The following COL15A1 variants were observed in gnomAD, a reference collection of about 807,000 sequenced individuals.
The protein encoded by COL15A1 is collagen alpha-1(XV) chain.
In COL15A1, 111 loss-of-function variants were observed where a neutral mutation model predicts 165.9. The observed-to-expected ratio is 0.67, with a 90% CI of 0.57 to 0.78. The LOEUF (loss-of-function observed/expected upper bound fraction) is 0.78, where lower values mean the gene tolerates loss of function less well. Among genes scored for constraint, COL15A1 ranks in the 30% least tolerant of loss-of-function variants. The pLI, the probability that COL15A1 is intolerant of heterozygous loss-of-function variation, is 0.00. For synonymous variants in COL15A1, 659 were observed against 674.8 expected, an observed-to-expected ratio of 0.98 and a Z score of 0.36; for missense variants, 1,745 against 1,789.7, an observed-to-expected ratio of 0.98 and a Z score of 0.45.
chr9:99,031,940 A>G (rs1042881111), intron 16 of COL15A1, among the ~76,000 whole-genome samples: 1 of 151,804 alleles, frequency 6.6e-6, no homozygotes, highest in Non-Finnish European at 1.5e-5. Flanking sequence ...AAATGTTTTT[A>G]TTTTCTTATT....
chr9:99,017,024 C>G (rs1838947044), intron 11 of COL15A1, among the ~76,000 whole-genome samples: 1 of 152,240 alleles, frequency 6.6e-6, no homozygotes, highest in African/African-American at 2.4e-5. Flanking sequence ...TTAGAGTTGT[C>G]TTGCATTCAT....
intron 24 of COL15A1, 48 bp downstream of exon 24, chr9:99,042,155 T>C (rs767491363): frequency 7.3e-6 from 10 of 1,368,752 alleles, no homozygotes; most frequent in Non-Finnish European, 9.2e-6. Flanking sequence ...TGGAATTTGC[T>C]AAACGTTTCA....
intron 31 of COL15A1, among the ~76,000 whole-genome samples, chr9:99,053,336 C>A (rs1386341079): frequency 5.9e-5 from 9 of 152,246 alleles, no homozygotes; most frequent in Non-Finnish European, 1.3e-4. Flanking sequence ...CAAGCCCAGC[C>A]TGTTTGCAAA....
At position 98,985,697 on chromosome 9, in the gene COL15A1, C is replaced by T. The variant is rs1838298268; in HGVS notation, c.233C>T (p.Pro78Leu). ...SFGPGANVGR[P>L]ARTLIPSTFF... ...GGGCCTGGTGCCAATGTTGGCCGCC[C>T]AGCCAGGACTCTCATCCCATCCACC... Residue 78 changes from proline to leucine, a missense_variant, in exon 3 of 42, where the codon CCA (proline) becomes CTA (leucine). By Grantham distance (98) the Pro-to-Leu change is moderately conservative (BLOSUM62 -3). Coordinates refer to ENST00000375001, the MANE Select transcript of COL15A1 (RefSeq NM_001855.5). 3.1e-6 allele frequency: 5 copies of T among 1,614,248 alleles called. No homozygotes were observed. The highest frequency in any genetic ancestry group is 4.2e-6 in the Non-Finnish European group (5 of 1,180,044).
rs570016118 is a variant in COL15A1 at position 98,985,957 on chromosome 9, G to A, written c.493G>A (p.Ala165Thr). The A allele has an allele frequency of 3.6e-5, 58 of 1,614,064 alleles. No homozygotes were observed. In the East Asian group the frequency reaches 6.2e-4, roughly 17 times the overall value. The change falls in exon 3 of 42, where the codon GCC becomes ACC. Residue 165 changes from alanine to threonine, a missense_variant. Ala to Thr is a moderately conservative substitution (Grantham distance 58). Coordinates refer to ENST00000375001, the MANE Select transcript of COL15A1 (RefSeq NM_001855.5). ...PVMTHRWNRF[A>T]MIVQGEEVTL... is the part of the protein sequence containing the mutation. ...GATGACCCACAGGTGGAACCGCTTC[G>A]CCATGATTGTCCAGGGTGAGGAAGT...
intron 7 of COL15A1, among the ~76,000 whole-genome samples, chr9:99,002,039 A>G (rs1159064564): frequency 6.6e-6 from 1 of 151,894 alleles, no homozygotes; most frequent in Non-Finnish European, 1.5e-5. Context: ...CTCCAGCAAA[A>G]CAACTGCAGG....
intron 28 of COL15A1, among the ~76,000 whole-genome samples, chr9:99,048,716 C>A (rs897259801): frequency 7.7e-6 from 1 of 130,314 alleles, no homozygotes; most frequent in African/African-American, 2.9e-5. Flanking sequence ...CAACAGTCCC[C>A]GGAGTGTGAT....
At chr9:99,049,211 G>A (rs1471149137) in intron 28 of COL15A1, among the ~76,000 whole-genome samples, 1 of 152,206 alleles carries the variant, frequency 6.6e-6, no homozygotes, top group Non-Finnish European at 1.5e-5. Context: ...CTTTGAAAAT[G>A]ACTGTGCTAT....
intron 14 of COL15A1, among the ~76,000 whole-genome samples, chr9:99,024,287 T>TGG (rs1839082525): frequency 2.2e-5 from 3 of 136,142 alleles, no homozygotes; most frequent in Non-Finnish European, 4.9e-5. Context: ...GTTTTTTTGT[T>TGG]TTTTTTTTTT....
At chr9:99,017,424 G>A (rs926870208) in intron 11 of COL15A1, among the ~76,000 whole-genome samples, 2 of 152,196 alleles carry the variant, frequency 1.3e-5, no homozygotes, top group Non-Finnish European at 2.9e-5. Flanking sequence ...CTGGGGGCCA[G>A]GAGTTCGAGG....
chr9:98,981,824 G>C (rs1838239661), intron 2 of COL15A1, among the ~76,000 whole-genome samples: 1 of 152,006 alleles, frequency 6.6e-6, no homozygotes, highest in African/African-American at 2.4e-5. Context: ...ATTTTTTTTA[G>C]AGACAGGTCT....
At position 99,032,837 on chromosome 9, in the gene COL15A1, C is replaced by T. The variant is rs557200103; in HGVS notation, c.2044-1712C>T. Among the ~76,000 whole-genome samples the T allele has an allele frequency of 3.7e-4, 56 of 152,260 alleles. 1 individual carries two copies. The highest frequency in any genetic ancestry group is 3.4e-3 in the Middle Eastern group (1 of 294). ...AGTCCTTCTGCAGAGTTCTGCATTT[C>T]GACAGTTTTCTATTTATAATTTCCA... On this transcript the variant is annotated intron_variant, in intron 16 of 41. Transcript: ENST00000375001.
chr9:99,026,447 C>T lies in COL15A1; in HGVS notation c.2043+481C>T, dbSNP rs899449438. Among the ~76,000 whole-genome samples, 6 of 152,216 alleles carry T rather than the reference C, an allele frequency of 3.9e-5. No homozygotes were observed. The East Asian group carries it at 9.6e-4, about 24-fold the overall frequency. ...AGTTCACCTTCCTGTAGCAGGCTCT[C>T]GTCAGCCCCTGCCCTGGCTACTGAG... On this transcript the variant is annotated intron_variant, in intron 16 of 41. Transcript: ENST00000375001.
chr9:99,069,133 G>A (rs1444925824), intron 41 of COL15A1, among the ~76,000 whole-genome samples: 2 of 152,140 alleles, frequency 1.3e-5, no homozygotes, highest in Non-Finnish European at 2.9e-5. Context: ...TACTCTATAC[G>A]AGGCCTGAGG....
At position 98,966,582 on chromosome 9, in the gene COL15A1, C is replaced by A. The variant is rs562232020; in HGVS notation, c.101-18983C>A. Among the ~76,000 whole-genome samples the A allele has an allele frequency of 1.2e-4, 18 of 152,302 alleles. No individual in the cohort carries two copies. In the East Asian group the frequency reaches 3.5e-3, roughly 29 times the overall value. ...CGGTTGTTCACATTCTCCACCCAGA[C>A]CATGTTGCAGAGGGGAGGAAGATGG... is the stretch of plus-strand genomic sequence containing the variant. On this transcript the variant is annotated intron_variant, in intron 2 of 41. Transcript: ENST00000375001.
intron 16 of COL15A1, among the ~76,000 whole-genome samples, chr9:99,027,936 A>G (rs920518720): frequency 1.3e-5 from 2 of 152,254 alleles, no homozygotes; most frequent in African/African-American, 4.8e-5. Flanking sequence ...AATGTGCTAA[A>G]GGAAATGAAC....
At chr9:98,994,863 C>G (rs1184035773) in intron 5 of COL15A1, among the ~76,000 whole-genome samples, 2 of 152,166 alleles carry the variant, frequency 1.3e-5, no homozygotes, top group African/African-American at 4.8e-5. Context: ...CTTACCCTCA[C>G]TCCTGAGGGT....
intron 2 of COL15A1, among the ~76,000 whole-genome samples, chr9:98,965,893 C>G (rs548687621): frequency 3.4e-4 from 52 of 151,888 alleles, no homozygotes; most frequent in African/African-American, 1.2e-3. Flanking sequence ...CTCTTGATCC[C>G]CCAGAGCCCA....
At chr9:99,039,412 G>C (rs1260381969) in intron 22 of COL15A1, among the ~76,000 whole-genome samples, 1 of 152,166 alleles carries the variant, frequency 6.6e-6, no homozygotes, top group Non-Finnish European at 1.5e-5. Flanking sequence ...GGGAGGCTGA[G>C]GCACGAGAAT....
Sources: allele counts gnomAD v4.1 joint callset (sites outside exome capture counted in the v4.1 genomes callset), GRCh38; gene constraint gnomAD v4.1.1; transcripts MANE v1.5; gene names NCBI Gene and HGNC (gene_info 2026-07-23, HGNC 2026-07-21).